Variants in MBNL2 observed in about 807,000 individuals in gnomAD.
The protein encoded by MBNL2 is muscleblind-like protein 2.
A neutral mutation model predicts 41.9 loss-of-function variants in MBNL2; 17 were observed. The observed-to-expected ratio is 0.41, with a 90% CI of 0.28 to 0.61. The LOEUF is 0.61. Ranked by LOEUF, MBNL2 falls within the 20% of genes least tolerant of loss-of-function variation. The pLI is 0.35. For missense variants in MBNL2, 336 were observed against 505.6 expected (o/e 0.66, Z 3.22); for synonymous variants, 195 against 182.9 (o/e 1.07, Z -0.53).
chr13:97,142,710 C>T, the MBNL2 span, among the ~76,000 whole-genome samples: 4 of 152,314 alleles, frequency 2.6e-5, no homozygotes, highest in South Asian at 6.2e-4. Context: ...TCCTGTCCCA[C>T]GTCTCTAACC....
intron 2 of MBNL2, among the ~76,000 whole-genome samples, chr13:97,305,769 A>G (rs549434939): frequency 1.3e-5 from 2 of 150,992 alleles, no homozygotes; most frequent in Non-Finnish European, 3.0e-5. Flanking sequence ...ACCCCGTCTC[A>G]AAACAAACAA....
intron 7 of MBNL2, among the ~76,000 whole-genome samples, chr13:97,358,846 C>G (rs1475239498): frequency 6.6e-6 from 1 of 152,092 alleles, no homozygotes; most frequent in Non-Finnish European, 1.5e-5. Context: ...TCCTTAAATC[C>G]CATAGCTTAT....
rs10508032 is a variant in MBNL2, at chr13:97,326,805, G to A, written c.175-7471G>A. Among the ~76,000 whole-genome samples, 1,334 of 152,318 alleles carry A rather than the reference G, an allele frequency of 8.8e-3. 7 individuals are homozygous for A. Among genetic ancestry groups the A allele is most frequent in the South Asian group, 0.031 (152 of 4,828 alleles). ...AGAGTAGAGCTATTTCAGTCTCATA[G>A]TTAATGTCATAAATTAAGCCTTGAT... On this transcript the variant is annotated intron_variant, in intron 2 of 8. Coordinates refer to ENST00000679496, the MANE Select transcript of MBNL2 (RefSeq NM_001382683.1).
intron 1 of MBNL2, among the ~76,000 whole-genome samples, chr13:97,223,772 AACT>A (rs1317444862): frequency 4.0e-5 from 6 of 149,580 alleles, no homozygotes; most frequent in Admixed American, 4.0e-4. Flanking sequence ...GGAGCAGTAG[AACT>A]ACTCATTTAA....
At chr13:97,368,412 T>TTAAAATAAAATAAAATAAAATAAAA (rs113780491) in intron 8 of MBNL2, among the ~76,000 whole-genome samples, 24,884 of 145,730 alleles carry the variant, frequency 0.17, 2,418 homozygotes, top group Middle Eastern at 0.22. Context: ...ACACCCTGTC[T>TTAAAATAAAATAAAATAAAATAAAA]TAAAATAAAA....
At chr13:97,276,543 G>A in intron 2 of MBNL2, 134 bp downstream of exon 2, 1 of 838,456 alleles carries the variant, frequency 1.2e-6, no homozygotes, top group East Asian at 2.6e-5. Context: ...ACTGTTGGGA[G>A]ATTTTTCACT....
At chr13:97,209,490 AC>A in the MBNL2 span, among the ~76,000 whole-genome samples, 1 of 152,208 alleles carries the variant, frequency 6.6e-6, no homozygotes, top group Non-Finnish European at 1.5e-5. Context: ...GTGATAAATT[AC>A]TGCAAAGTAG....
chr13:97,355,088 A>T (rs943280307), intron 5 of MBNL2, among the ~76,000 whole-genome samples: 1 of 152,240 alleles, frequency 6.6e-6, no homozygotes, highest in Non-Finnish European at 1.5e-5. Context: ...ATGATGTCAA[A>T]GTTACATGCA....
intron 2 of MBNL2, among the ~76,000 whole-genome samples, chr13:97,333,151 T>C (rs1219818306): frequency 6.6e-6 from 1 of 152,194 alleles, no homozygotes; most frequent in Non-Finnish European, 1.5e-5. Context: ...TTATATCTGG[T>C]AAACAAATCA....
intron 2 of MBNL2, among the ~76,000 whole-genome samples, chr13:97,278,934 T>G (rs2052760494): frequency 6.6e-6 from 1 of 152,210 alleles, no homozygotes; most frequent in African/African-American, 2.4e-5. Context: ...GTGTCATTTA[T>G]GACTTCTTGA....
At chr13:97,284,988 T>C (rs1355090650) in intron 2 of MBNL2, among the ~76,000 whole-genome samples, 16 of 152,256 alleles carry the variant, frequency 1.1e-4, no homozygotes, top group Admixed American at 1.0e-3. Context: ...TCAGTTCTTA[T>C]GAAACCATTT....
At chr13:97,305,760 C>A (rs912204725) in intron 2 of MBNL2, among the ~76,000 whole-genome samples, 1 of 138,966 alleles carries the variant, frequency 7.2e-6, no homozygotes, top group African/African-American at 2.5e-5. Context: ...CAGAGGGAGA[C>A]CCCGTCTCAA....
intron 5 of MBNL2, among the ~76,000 whole-genome samples, chr13:97,353,817 G>A (rs868496524): frequency 7.2e-5 from 11 of 152,086 alleles, no homozygotes; most frequent in Admixed American, 5.9e-4. Context: ...AAGGAAACAA[G>A]ACAAGCTGCC....
At chr13:97,374,905 A>C (rs2064819038) in intron 8 of MBNL2, among the ~76,000 whole-genome samples, 1 of 152,156 alleles carries the variant, frequency 6.6e-6, no homozygotes. Flanking sequence ...AGCTACAGTG[A>C]AGGAATTCAG....
intron 2 of MBNL2, among the ~76,000 whole-genome samples, chr13:97,304,391 T>C (rs887440719): frequency 3.3e-5 from 5 of 152,248 alleles, no homozygotes; most frequent in Non-Finnish European, 7.3e-5. Context: ...AATATTTACT[T>C]ACCTTCTTAC....
At chr13:97,198,453 G>A in the MBNL2 span, among the ~76,000 whole-genome samples, 1 of 150,700 alleles carries the variant, frequency 6.6e-6, no homozygotes, top group Non-Finnish European at 1.5e-5. Flanking sequence ...AGGCTGGCAA[G>A]CCCCAAGATC....
intron 1 of MBNL2, among the ~76,000 whole-genome samples, chr13:97,236,048 C>T (rs1443239607): frequency 6.6e-6 from 1 of 152,160 alleles, no homozygotes; most frequent in Non-Finnish European, 1.5e-5. Context: ...ATTGTGTTTG[C>T]TTCCTTGCTC....
the MBNL2 span, among the ~76,000 whole-genome samples, chr13:97,200,687 A>G: frequency 3.2e-4 from 49 of 152,314 alleles, no homozygotes; most frequent in Admixed American, 6.5e-4. Context: ...GTGTTTGAGT[A>G]TCTTATTTCA....
chr13:97,186,242 T>A, the MBNL2 span, among the ~76,000 whole-genome samples: 2 of 152,206 alleles, frequency 1.3e-5, no homozygotes, highest in African/African-American at 2.4e-5. Context: ...CTACCGTAGA[T>A]GCTTAAGTTC....
Sources: gnomAD v4.1 joint callset for allele counts (sites outside exome capture counted in the v4.1 genomes callset) on GRCh38, gnomAD v4.1.1 for gene constraint, MANE v1.5 for transcripts, NCBI Gene and HGNC (gene_info 2026-07-23, HGNC 2026-07-21) for gene names.